The following PRKD2 variants were observed in gnomAD, a reference collection of about 807,000 sequenced individuals.
PRKD2 encodes the protein protein kinase D2.
A neutral mutation model predicts 86.0 loss-of-function variants in PRKD2; 22 were observed. The observed-to-expected ratio is 0.26, with a 90% CI of 0.18 to 0.37. PRKD2 has a LOEUF of 0.37. Among genes scored for constraint, PRKD2 ranks in the 10% least tolerant of loss-of-function variants. The pLI is 1.00. For synonymous variants in PRKD2, 509 were observed against 510.9 expected (o/e 1.00, Z 0.05); for missense variants, 818 against 1,199.2 (o/e 0.68, Z 4.70).
chr19:46,677,367 A>G (rs962121694), intron 16 of PRKD2: 2 of 152,314 alleles, frequency 1.3e-5, no homozygotes, highest in Non-Finnish European at 2.9e-5. Context: ...CATCGTGGGC[A>G]CTCAACATGT....
intron 3 of PRKD2, among the ~76,000 whole-genome samples, chr19:46,707,754 T>TA (rs1343192093): frequency 1.3e-5 from 2 of 152,262 alleles, no homozygotes; most frequent in South Asian, 4.1e-4. Context: ...AGAGGACCTA[T>TA]ATAGATCTTG....
chr19:46,680,980 C>G (rs1401064100), intron 15 of PRKD2, among the ~76,000 whole-genome samples: 13 of 73,240 alleles, frequency 1.8e-4, no homozygotes, highest in Admixed American at 5.1e-4. Context: ...GAGTCTCGCT[C>G]TCTCGCTCTG....
At chr19:46,689,453 T>C in intron 14 of PRKD2, 84 bp downstream of exon 14, 1 of 1,454,290 alleles carries the variant, frequency 6.9e-7, no homozygotes, top group South Asian at 1.3e-5. Context: ...CCCAAGTGTC[T>C]GCTTGACCCC....
rs34376220 is a variant in PRKD2 at position 46,678,380 on chromosome 19, G to A, written c.2338+16C>T. On this transcript the variant is annotated intron_variant, in intron 16 of 17. Coordinates refer to ENST00000291281, the MANE Select transcript of PRKD2 (RefSeq NM_016457.5). This position sits in a 1 kb window ranked among gnomAD's most constrained non-coding sequence, Gnocchi z 5.7. ...CCACAACCCACCCGCCCATGGGGTA[G>A]GCGGGCCCCAGGCACCTCCAGCTGA... is the stretch of plus-strand genomic sequence containing the variant. The A allele has an allele frequency of 6.2e-7, 1 of 1,613,340 alleles. No individual in the cohort carries two copies.
chr19:46,696,497 T>C (rs528247617), intron 9 of PRKD2, among the ~76,000 whole-genome samples: 4 of 152,144 alleles, frequency 2.6e-5, no homozygotes, highest in Non-Finnish European at 5.9e-5. Context: ...CGGTGGCTCA[T>C]GCCTGTAATC....
chr19:46,710,969 G>C lies in PRKD2; in HGVS notation c.449C>G (p.Ala150Gly). 6.3e-7 allele frequency: 1 copy of C among 1,576,816 alleles called. No homozygotes were observed. Among genetic ancestry groups the C allele is most frequent in the South Asian group, 1.2e-5 (1 of 85,940 alleles). The change falls in exon 3 of 18, where the codon GCC becomes GGC. Residue 150 changes from alanine to glycine, a missense_variant. By Grantham distance (60) the Ala-to-Gly change is moderately conservative (BLOSUM62 0). Coordinates refer to ENST00000291281, the MANE Select transcript of PRKD2 (RefSeq NM_016457.5). ...ALTVHSYRAPAFCDHCGEMLF... is the reference protein window; with the variant it reads ...ALTVHSYRAPGFCDHCGEMLF... ...CATCTCCCCGCAGTGATCACAGAAG[G>C]CAGGCGCCCGATAGGAGTGCACCGT... is the stretch of plus-strand genomic sequence containing the variant.
At position 46,716,024 on chromosome 19, in the gene PRKD2, T is replaced by C; in HGVS notation, c.240+107A>G. The C allele has an allele frequency of 2.0e-6, 3 of 1,473,596 alleles. No homozygotes were observed. The highest frequency in any genetic ancestry group is 2.7e-6 in the Non-Finnish European group (3 of 1,108,328). 91.3% of individuals were successfully genotyped at this position (1,473,596 alleles called of 1,614,324 possible). A position where few individuals can be genotyped will look rare whatever the true frequency, so the allele number is the denominator to read the frequency against. On this transcript the variant is annotated intron_variant, in intron 1 of 17. Transcript: ENST00000291281. This position sits in a 1 kb window ranked among gnomAD's most constrained non-coding sequence, Gnocchi z 7.9. The stretch of plus-strand genomic sequence containing the variant: ...CCCCTATCCCTCCATCACCCAAAGC[T>C]CAGGTCTCCTTCCTCCCTCTTCCGC...
Position 46,704,594 on chromosome 19 carries a change from A to C in PRKD2, c.567T>G (p.Ser189Arg). 6.2e-7 allele frequency: 1 copy of C among 1,613,854 alleles called. No individual in the cohort carries two copies. The highest frequency in any genetic ancestry group is 8.5e-7 in the Non-Finnish European group (1 of 1,179,912). ...ATGACAGGCGCCGTTTGCGGGCCCC[A>C]CTACAGTTGTTGGGGATGCTGAAGG... ...RCAFSIPNNC[S>R]GARKRRLSST... Residue 189 changes from serine (S) to arginine (R), a missense_variant, in exon 4 of 18, where the codon AGT becomes AGG. Ser to Arg is a moderately radical substitution (Grantham distance 110, BLOSUM62 -1). Coordinates refer to ENST00000291281, the MANE Select transcript of PRKD2 (RefSeq NM_016457.5).
At chr19:46,697,542 A>G (rs879592539) in intron 8 of PRKD2, among the ~76,000 whole-genome samples, 191 bp downstream of exon 8, 4 of 145,830 alleles carry the variant, frequency 2.7e-5, no homozygotes. Flanking sequence ...GTCTTCCCTA[A>G]CTCCTGCCCG....
intron 3 of PRKD2, among the ~76,000 whole-genome samples, chr19:46,709,656 C>T (rs1056150864): frequency 3.3e-5 from 5 of 152,056 alleles, no homozygotes; most frequent in South Asian, 4.1e-4. Flanking sequence ...CCACCGCACC[C>T]GGCCCAGTGG....
At chr19:46,694,159 T>C in intron 9 of PRKD2, 26 bp from the exon 10 acceptor site, 2 of 1,607,796 alleles carry the variant, frequency 1.2e-6, no homozygotes, top group Non-Finnish European at 1.7e-6. Context: ...CCAGCACAGG[T>C]GAGGATGCCA....
At position 46,693,747 on chromosome 19, in the gene PRKD2, G is replaced by C; in HGVS notation, c.1576+128C>G. ...ATTAACAGAGTTTGAACCCAGGCCT[G>C]CTGAGTCCAGAAGCTGCGTTCTCAA... On this transcript the variant is annotated intron_variant, in intron 10 of 17. Transcript: ENST00000291281. This position sits in a 1 kb window ranked among gnomAD's most constrained non-coding sequence, Gnocchi z 4.5. The C allele has an allele frequency of 7.4e-7, 1 of 1,351,362 alleles. No individual in the cohort carries two copies. Among genetic ancestry groups the C allele is most frequent in the Admixed American group, 2.3e-5 (1 of 43,906 alleles). 83.7% of individuals were successfully genotyped at this position (1,351,362 alleles called of 1,614,324 possible).
intron 9 of PRKD2, among the ~76,000 whole-genome samples, chr19:46,695,867 C>G (rs1416219347): frequency 6.6e-6 from 1 of 152,068 alleles, no homozygotes; most frequent in Non-Finnish European, 1.5e-5. Flanking sequence ...GAGATGGAGT[C>G]TTGCTCTGTT....
In PRKD2 at chr19:46,711,027, A is replaced by G; in HGVS notation, c.391T>C (p.Phe131Leu). The G allele has an allele frequency of 6.3e-7, 1 of 1,582,014 alleles. No individual in the cohort carries two copies. Among genetic ancestry groups the G allele is most frequent in the Non-Finnish European group, 8.6e-7 (1 of 1,163,958 alleles). Residue 131 changes from phenylalanine to leucine, a missense_variant, in exon 3 of 18, where the codon TTC (phenylalanine) becomes CTC (leucine). By Grantham distance (22) the Phe-to-Leu change is conservative (BLOSUM62 0). Transcript: ENST00000291281. ...TGCGGGCGGATCTGGAAGTCCTCGA[A>G]GGTGGCCGAGGCTGTAGGCGGAAAA... The part of the protein sequence containing the change: ...VEVVLSASAT[F>L]EDFQIRPHAL...
chr19:46,674,486 G>C lies in PRKD2; in HGVS notation c.*37C>G, dbSNP rs551631016. The stretch of plus-strand genomic sequence containing the variant: ...CATTGCTGGGATCCTGTGAAGAACC[G>C]CTGTGGAGGGCAGCAGCTGGACGAG... On this transcript the variant is annotated 3_prime_UTR_variant, in exon 18 of 18. Transcript: ENST00000291281. The C allele has an allele frequency of 1.9e-5, 30 of 1,583,532 alleles. No individual in the cohort carries two copies. The highest frequency in any genetic ancestry group is 2.7e-5 in the African/African-American group (2 of 74,350).
rs1251287954 is a variant in PRKD2, at chr19:46,704,645, G to A, written c.516C>T (p.Cys172=). The A allele has an allele frequency of 2.5e-6, 4 of 1,602,888 alleles. No homozygotes were observed. The highest frequency in any genetic ancestry group is 2.2e-5 in the South Asian group (2 of 89,852). ...CACAGCGCTTGTGGTAGTTCAGCCC[G>A]CAGCCTGCAGGGGGCGCCAGAGAGT... The part of the protein sequence containing the change: ...LVRQGLKCDG[C]GLNYHKRCAF... The change falls in exon 4 of 18, where the codon TGC becomes TGT. Residue 172 remains cysteine, a synonymous_variant. Transcript: ENST00000291281.
chr19:46,697,708 A>C, intron 8 of PRKD2, 25 bp downstream of exon 8: 2 of 1,589,364 alleles, frequency 1.3e-6, no homozygotes, highest in South Asian at 2.2e-5. Context: ...GCTCCGCCGT[A>C]CCCGGCCCCG....
At chr19:46,695,046 TAAA>T (rs1050678667) in intron 9 of PRKD2, among the ~76,000 whole-genome samples, 1 of 149,504 alleles carries the variant, frequency 6.7e-6, no homozygotes, top group South Asian at 2.1e-4. Context: ...CTACAAAAAA[TAAA>T]AAAACTAGCC....
chr19:46,698,341 A>G (rs1469085128), intron 7 of PRKD2, among the ~76,000 whole-genome samples: 1 of 152,080 alleles, frequency 6.6e-6, no homozygotes, highest in Non-Finnish European at 1.5e-5. Context: ...TACAGGTGTG[A>G]GCCACCACGC....
Sources: allele counts gnomAD v4.1 joint callset (sites outside exome capture counted in the v4.1 genomes callset), GRCh38; gene constraint gnomAD v4.1.1; non-coding constraint Gnocchi (gnomAD v3.1); transcripts MANE v1.5; gene names NCBI Gene and HGNC (gene_info 2026-07-23, HGNC 2026-07-21).